ARMC9: variants seen among roughly 807,000 people sequenced by gnomAD.
ARMC9 encodes the protein lisH domain-containing protein ARMC9.
Under a neutral mutation model 107.0 loss-of-function variants are expected in ARMC9, and 94 were observed. The ratio of observed to expected loss-of-function variants is 0.88; its 90% CI spans 0.74 to 1.04. The LOEUF is 1.04. Ranked by LOEUF, ARMC9 falls within the 50% of genes least tolerant of loss-of-function variation. The pLI is 0.00. For synonymous variants in ARMC9, 380 were observed against 396.9 expected (o/e 0.96, Z 0.51); for missense variants, 942 against 1,030.1 (o/e 0.91, Z 1.17).
At chr2:231,287,458 C>T (rs1367831104) in intron 17 of ARMC9, among the ~76,000 whole-genome samples, 1 of 152,168 alleles carries the variant, frequency 6.6e-6, no homozygotes, top group Non-Finnish European at 1.5e-5. Context: ...ATTCATCAGC[C>T]ACAGGTGTCA....
At chr2:231,346,414 G>T (rs113544073) in intron 21 of ARMC9, among the ~76,000 whole-genome samples, 1 of 152,238 alleles carries the variant, frequency 6.6e-6, no homozygotes, top group Non-Finnish European at 1.5e-5. Flanking sequence ...CCAGCTACTC[G>T]GGAGGCTGAG....
In ARMC9 at chr2:231,214,967, C is replaced by T; in HGVS notation, c.314C>T (p.Ala105Val). Reference protein sequence around the residue: ...KLEFYLHIHFAIYLLKYSVGR... With the variant: ...KLEFYLHIHFVIYLLKYSVGR... ...GAATTCTATCTCCACATCCATTTTG[C>T]CATCTATCTTTTGAAGTACTCTGTG... The change falls in exon 4 of 25, where the codon GCC becomes GTC. Residue 105 changes from alanine (A) to valine (V), a missense_variant. Transcript: ENST00000611582. 1 of 1,614,086 alleles carries T rather than the reference C, an allele frequency of 6.2e-7. No individual in the cohort carries two copies. The highest frequency in any genetic ancestry group is 2.2e-5 in the East Asian group (1 of 44,882).
At chr2:231,230,108 T>C (rs910457610) in intron 7 of ARMC9, among the ~76,000 whole-genome samples, 1 of 152,136 alleles carries the variant, frequency 6.6e-6, no homozygotes, top group African/African-American at 2.4e-5. Context: ...ATGCCCGTAA[T>C]CCCAGCACTG....
chr2:231,317,952 AG>A (rs2042795889), intron 19 of ARMC9, among the ~76,000 whole-genome samples: 1 of 151,794 alleles, frequency 6.6e-6, no homozygotes, highest in South Asian at 2.1e-4. Flanking sequence ...TATTTATAAT[AG>A]CTGCTTTGAA....
intron 14 of ARMC9, among the ~76,000 whole-genome samples, chr2:231,273,314 C>T (rs1005410427): frequency 2.0e-4 from 30 of 152,202 alleles, no homozygotes; most frequent in Admixed American, 2.0e-3. Context: ...TGGACATTAT[C>T]GAGTGCCAGC....
At chr2:231,260,303 C>T (rs1415229061) in intron 11 of ARMC9, among the ~76,000 whole-genome samples, 1 of 152,088 alleles carries the variant, frequency 6.6e-6, no homozygotes, top group Non-Finnish European at 1.5e-5. Context: ...AAATTGTGAC[C>T]TTGCAGACCT....
At chr2:231,261,400 C>T (rs2038327632) in intron 11 of ARMC9, among the ~76,000 whole-genome samples, 1 of 152,204 alleles carries the variant, frequency 6.6e-6, no homozygotes, top group African/African-American at 2.4e-5. Context: ...AGCCAGCTAC[C>T]TCTACACTCA....
rs916853025 is a variant in ARMC9, at chr2:231,375,343, A to G, written c.*3808A>G. Among the ~76,000 whole-genome samples, 1 of 152,146 alleles carries G rather than the reference A, an allele frequency of 6.6e-6. No homozygotes were observed. The highest frequency in any genetic ancestry group is 2.4e-5 in the African/African-American group (1 of 41,432). ...GCCCAAGTCTCATATCACGTTCACT[A>G]TTCTCCCATTGTCCAAAGCAGACCA... On this transcript the variant is annotated 3_prime_UTR_variant, in exon 25 of 25. Transcript: ENST00000611582. This position sits in a 1 kb window ranked among gnomAD's most constrained non-coding sequence, Gnocchi z 4.3.
At position 231,372,678 on chromosome 2, in the gene ARMC9, TAAAAC is replaced by T. The variant is rs1002909420; in HGVS notation, c.*1144_*1148del. The T allele has an allele frequency of 6.6e-6, 1 of 150,864 alleles. No homozygotes were observed. The highest frequency in any genetic ancestry group is 2.5e-5 in the African/African-American group (1 of 40,370). The allele number at this position is 150,864 out of a possible 1,614,324, so 9.3% of individuals were successfully genotyped here. A position where few individuals can be genotyped will look rare whatever the true frequency, so the allele number is the denominator to read the frequency against. ...ATGTTACCCAAGCTCTAAAATCAAA[TAAAAC>T]CCATCAGTATTTAGTGGTGTGTGTG... On this transcript the variant is annotated 3_prime_UTR_variant, in exon 25 of 25. Transcript: ENST00000611582.
At chr2:231,363,878 C>T (rs193186782) in intron 23 of ARMC9, among the ~76,000 whole-genome samples, 1,755 of 116,722 alleles carry the variant, frequency 0.015, 31 homozygotes, top group African/African-American at 0.039. Flanking sequence ...AGTAAGACTC[C>T]GTCTCAAAAA....
At chr2:231,230,061 T>C (rs2035060453) in intron 7 of ARMC9, among the ~76,000 whole-genome samples, 2 of 152,264 alleles carry the variant, frequency 1.3e-5, no homozygotes, top group African/African-American at 2.4e-5. Context: ...GACATCTCCA[T>C]TAAAAGTTGA....
At chr2:231,330,091 T>C (rs543856429) in intron 19 of ARMC9, among the ~76,000 whole-genome samples, 1 of 152,062 alleles carries the variant, frequency 6.6e-6, no homozygotes, top group Non-Finnish European at 1.5e-5. Flanking sequence ...GAGTTCTGTG[T>C]TCCATTCCAT....
intron 17 of ARMC9, among the ~76,000 whole-genome samples, chr2:231,290,892 C>G (rs1039016088): frequency 1.3e-5 from 2 of 150,454 alleles, no homozygotes; most frequent in Non-Finnish European, 2.9e-5. Context: ...AAAACTAGCT[C>G]CCAGACCAAC....
At chr2:231,327,223 G>A (rs1429037854) in intron 19 of ARMC9, among the ~76,000 whole-genome samples, 1 of 152,172 alleles carries the variant, frequency 6.6e-6, no homozygotes, top group African/African-American at 2.4e-5. Flanking sequence ...AGTATACAGA[G>A]CCTTGTGACA....
intron 23 of ARMC9, among the ~76,000 whole-genome samples, chr2:231,366,292 G>A (rs561682244): frequency 6.6e-6 from 1 of 152,350 alleles, no homozygotes; most frequent in African/African-American, 2.4e-5. Flanking sequence ...CTCACTCAGA[G>A]TCCACTGATT....
intron 12 of ARMC9, among the ~76,000 whole-genome samples, chr2:231,267,401 T>A (rs1171774295): frequency 6.6e-6 from 1 of 152,054 alleles, no homozygotes; most frequent in East Asian, 1.9e-4. Flanking sequence ...CAGCTAATTG[T>A]TGTATTTTTA....
At chr2:231,268,281 G>A (rs1404313935) in intron 12 of ARMC9, among the ~76,000 whole-genome samples, 3 of 152,092 alleles carry the variant, frequency 2.0e-5, no homozygotes, top group Non-Finnish European at 4.4e-5. Flanking sequence ...CCACATGTTC[G>A]CTTTGTGAAC....
chr2:231,253,767 G>C (rs922609437), intron 9 of ARMC9, among the ~76,000 whole-genome samples: 2 of 152,140 alleles, frequency 1.3e-5, no homozygotes, highest in African/African-American at 2.4e-5. Context: ...CAAACCTAAG[G>C]ATAGATGTAT....
At chr2:231,302,296 A>T (rs1259878291) in intron 19 of ARMC9, among the ~76,000 whole-genome samples, 3 of 151,848 alleles carry the variant, frequency 2.0e-5, no homozygotes, top group Non-Finnish European at 4.4e-5. Flanking sequence ...CTTAAATATG[A>T]TAAAATGTTA....
Sources: allele counts gnomAD v4.1 joint callset (sites outside exome capture counted in the v4.1 genomes callset), GRCh38; gene constraint gnomAD v4.1.1; non-coding constraint Gnocchi (gnomAD v3.1); transcripts MANE v1.5; gene names NCBI Gene and HGNC (gene_info 2026-07-23, HGNC 2026-07-21).